The following ARHGEF38 variants were observed in gnomAD, a reference collection of about 807,000 sequenced individuals.
ARHGEF38 encodes the protein Rho guanine nucleotide exchange factor 38, also known as Rho guanine nucleotide exchange factor (GEF) 38.
Under a neutral mutation model 79.9 loss-of-function variants are expected in ARHGEF38, and 79 were observed. The ratio of observed to expected loss-of-function variants is 0.99; its 90% CI spans 0.82 to 1.19. The LOEUF (loss-of-function observed/expected upper bound fraction) is 1.19, where lower values mean the gene tolerates loss of function less well. Among genes scored for constraint, ARHGEF38 ranks in the 50% most tolerant of loss-of-function variants. The probability of loss-of-function intolerance (pLI) is 0.00; values close to 1 mark genes in which losing one functional copy is unlikely to be tolerated. For missense variants in ARHGEF38, 962 were observed against 907.2 expected (o/e 1.06, Z -0.78); for synonymous variants, 366 against 328.3 (o/e 1.11, Z -1.24).
chr4:105,623,137 G>A (rs1445821588), intron 3 of ARHGEF38, among the ~76,000 whole-genome samples: 4 of 152,194 alleles, frequency 2.6e-5, no homozygotes, highest in Non-Finnish European at 5.9e-5. Context: ...CATGAGGGAA[G>A]GAATTCTTGT....
intron 10 of ARHGEF38, among the ~76,000 whole-genome samples, chr4:105,662,579 T>C (rs1302493422): frequency 6.6e-6 from 1 of 152,204 alleles, no homozygotes; most frequent in Non-Finnish European, 1.5e-5. Context: ...TCCTGGTTCA[T>C]GTTGTAAAAT....
intron 2 of ARHGEF38, among the ~76,000 whole-genome samples, chr4:105,593,272 C>T (rs975164724): frequency 2.0e-5 from 3 of 152,064 alleles, no homozygotes; most frequent in African/African-American, 4.8e-5. Flanking sequence ...TGCAGTGGCT[C>T]ACACCTGTAA....
chr4:105,655,634 T>C lies in ARHGEF38; in HGVS notation c.1145T>C (p.Met382Thr), dbSNP rs768398798. The C allele has an allele frequency of 5.9e-6, 9 of 1,535,976 alleles. No individual in the cohort carries two copies. Among genetic ancestry groups the C allele is most frequent in the South Asian group, 2.4e-5 (2 of 84,048 alleles). Residue 382 changes from methionine to threonine, a missense_variant, in exon 9 of 14, where the codon ATG becomes ACG. Transcript: ENST00000420470. ...DAMPLALQSVMDLQEISYNKD... is the reference protein window; with the variant it reads ...DAMPLALQSVTDLQEISYNKD... ...ATGCCCCTGGCTCTGCAGAGTGTGA[T>C]GGACCTTCAGGAGATTTCATACAAC...
chr4:105,585,721 C>T (rs563959237), intron 1 of ARHGEF38, among the ~76,000 whole-genome samples: 1,077 of 66,402 alleles, frequency 0.016, 8 homozygotes, highest in African/African-American at 0.057. Flanking sequence ...ATAGCCCCTC[C>T]GTTGCTTTTT....
At chr4:105,641,851 C>A (rs1338959522) in intron 5 of ARHGEF38, among the ~76,000 whole-genome samples, 2 of 152,176 alleles carry the variant, frequency 1.3e-5, no homozygotes, top group East Asian at 3.9e-4. Flanking sequence ...ACAAAGCCAG[C>A]TGTGTTTACT....
intron 1 of ARHGEF38, among the ~76,000 whole-genome samples, chr4:105,586,490 T>C (rs1727055093): frequency 6.6e-6 from 1 of 152,196 alleles, no homozygotes; most frequent in Non-Finnish European, 1.5e-5. Context: ...TAAGCATTTT[T>C]TAATTGACAA....
chr4:105,587,934 A>G (rs1454520979), intron 1 of ARHGEF38, among the ~76,000 whole-genome samples: 1 of 152,232 alleles, frequency 6.6e-6, no homozygotes, highest in Non-Finnish European at 1.5e-5. Flanking sequence ...AACCTAGTAT[A>G]GCTTCCAAAC....
Position 105,679,177 on chromosome 4 carries a change from C to A in ARHGEF38, c.*1240C>A, listed in dbSNP as rs536976561. The A allele has an allele frequency of 3.3e-6, 2 of 609,104 alleles. No individual in the cohort carries two copies. The highest frequency in any genetic ancestry group is 2.1e-5 in the South Asian group (1 of 47,904). 37.7% of individuals were successfully genotyped at this position (609,104 alleles called of 1,614,324 possible). A position where few individuals can be genotyped will look rare whatever the true frequency, so the allele number is the denominator to read the frequency against. ...CTCTCTACCTGACCAATTGCCAGAT[C>A]GACAACCTGACTGGCCTGACCAGCC... On this transcript the variant is annotated 3_prime_UTR_variant, in exon 14 of 14. Coordinates refer to ENST00000420470, the MANE Select transcript of ARHGEF38 (RefSeq NM_001242729.2).
chr4:105,562,736 G>A (rs892273381), intron 1 of ARHGEF38, among the ~76,000 whole-genome samples: 1 of 152,176 alleles, frequency 6.6e-6, no homozygotes, highest in Non-Finnish European at 1.5e-5. Context: ...TTGCAGTAAT[G>A]TAACAAGGGC....
At chr4:105,659,849 TTGTGTGTG>T (rs59465723) in intron 10 of ARHGEF38, among the ~76,000 whole-genome samples, 36 of 133,124 alleles carry the variant, frequency 2.7e-4, no homozygotes, top group African/African-American at 8.4e-4. Context: ...AAGCCTGGTT[TTGTGTGTG>T]TGTGTGTGTG....
chr4:105,581,995 C>T (rs976526876), intron 1 of ARHGEF38, among the ~76,000 whole-genome samples: 1 of 151,832 alleles, frequency 6.6e-6, no homozygotes, highest in Non-Finnish European at 1.5e-5. Flanking sequence ...GAAACCCCGT[C>T]TCTACTAAAA....
At chr4:105,614,827 T>C (rs560050278) in intron 3 of ARHGEF38, among the ~76,000 whole-genome samples, 1 of 152,292 alleles carries the variant, frequency 6.6e-6, no homozygotes, top group South Asian at 2.1e-4. Context: ...CCACATTGCT[T>C]GGTATCAAAA....
intron 1 of ARHGEF38, among the ~76,000 whole-genome samples, chr4:105,575,743 G>A (rs1213828090): frequency 2.6e-5 from 4 of 152,080 alleles, no homozygotes; most frequent in African/African-American, 9.7e-5. Context: ...GTCCAGAAGA[G>A]TTTTTTCAAA....
At chr4:105,589,024 A>G (rs1727189927) in intron 1 of ARHGEF38, among the ~76,000 whole-genome samples, 1 of 152,242 alleles carries the variant, frequency 6.6e-6, no homozygotes, top group African/African-American at 2.4e-5. Flanking sequence ...AAGCCACGAT[A>G]ATTGAGTATC....
chr4:105,561,449 GGAATAGAATAGAATAGAATA>G lies in ARHGEF38; in HGVS notation c.196+8562_196+8581del, dbSNP rs1163338378. ...GGAATAGAATAGAATAGAATAGAATGGAATAGAATAGAATAGAATAGAATAGAATAGAATAGAATAGAATA... is the reference window on the plus strand; with the variant it reads ...GGAATAGAATAGAATAGAATAGAATGGAATAGAATAGAATAGAATAGAATA... On this transcript the variant is annotated intron_variant, in intron 1 of 13. Coordinates refer to ENST00000420470, the MANE Select transcript of ARHGEF38 (RefSeq NM_001242729.2). The G allele has an allele frequency of 6.1e-3, 276 of 45,498 alleles. 10 individuals carry two copies. Among genetic ancestry groups the G allele is most frequent in the Admixed American group, 6.5e-3 (26 of 3,982 alleles). The allele number at this position is 45,498 out of a possible 1,614,324, so 2.8% of individuals were successfully genotyped here. A position where few individuals can be genotyped will look rare whatever the true frequency, so the allele number is the denominator to read the frequency against.
chr4:105,615,541 T>C (rs931490628), intron 3 of ARHGEF38, among the ~76,000 whole-genome samples: 1 of 152,212 alleles, frequency 6.6e-6, no homozygotes, highest in Admixed American at 6.5e-5. Flanking sequence ...AAGGTGACCA[T>C]GTATTGTGGT....
At chr4:105,597,594 C>G (rs892780101) in intron 2 of ARHGEF38, among the ~76,000 whole-genome samples, 1 of 152,190 alleles carries the variant, frequency 6.6e-6, no homozygotes. Flanking sequence ...GTTGGCTACT[C>G]TCTAAAACTC....
At chr4:105,663,984 AC>A (rs1241225748) in intron 10 of ARHGEF38, among the ~76,000 whole-genome samples, 2 of 147,204 alleles carry the variant, frequency 1.4e-5, no homozygotes, top group East Asian at 2.0e-4. Context: ...AAAAAAAAAA[AC>A]AAACAAAACA....
intron 2 of ARHGEF38, among the ~76,000 whole-genome samples, chr4:105,607,996 G>A (rs767863842): frequency 1.2e-4 from 19 of 152,130 alleles, no homozygotes; most frequent in South Asian, 6.2e-4. Flanking sequence ...ACTGGGTAAC[G>A]TAGGCAACAG....
Sources: gnomAD v4.1 joint callset for allele counts (sites outside exome capture counted in the v4.1 genomes callset) on GRCh38, gnomAD v4.1.1 for gene constraint, MANE v1.5 for transcripts, NCBI Gene and HGNC (gene_info 2026-07-23, HGNC 2026-07-21) for gene names.